DNAH8: variants seen among roughly 807,000 people sequenced by gnomAD.
DNAH8 encodes axonemal beta dynein heavy chain 8.
A neutral mutation model predicts 562.1 loss-of-function variants in DNAH8; 382 were observed. The ratio of observed to expected loss-of-function variants is 0.68; its 90% CI spans 0.63 to 0.74. DNAH8 has a LOEUF of 0.74. Ranked by LOEUF, DNAH8 falls within the 30% of genes least tolerant of loss-of-function variation. The probability of loss-of-function intolerance (pLI) is 0.00; values close to 1 mark genes in which losing one functional copy is unlikely to be tolerated. For synonymous variants in DNAH8, 1,881 were observed against 1,919.4 expected (o/e 0.98, Z 0.52); for missense variants, 5,203 against 5,620.4 (o/e 0.93, Z 2.37).
rs373858239 is a variant in DNAH8 at position 38,894,785 on chromosome 6, A to G, written c.8668A>G (p.Ile2890Val). 1.5e-5 allele frequency: 25 copies of G among 1,614,004 alleles called. No homozygotes were observed. Among genetic ancestry groups the G allele is most frequent in the African/African-American group, 9.3e-5 (7 of 74,936 alleles). ...CAGAATTTGGCAAGGAATGTTGACC[A>G]TAAAAGCTGAGGAGTGCGCTTCAAT... The part of the protein sequence containing the change: ...LSRIWQGMLT[I>V]KAEECASIPT... The change falls in exon 59 of 93, where the codon ATA becomes GTA. Residue 2890 changes from isoleucine to valine, a missense_variant. Coordinates refer to ENST00000327475, the MANE Select transcript of DNAH8 (RefSeq NM_001206927.2).
chr6:38,896,155 G>C lies in DNAH8; in HGVS notation c.8870G>C (p.Arg2957Pro). The change falls in exon 60 of 93, where the codon CGT (arginine) becomes CCT (proline). Residue 2957 changes from arginine (R) to proline (P), a missense_variant. Arg to Pro is a moderately radical substitution (Grantham distance 103). Around this residue, in one of 6 missense-constraint regions of DNAH8, gnomAD observed 977 missense variants for 1,061.8 expected, o/e 0.92. Coordinates refer to ENST00000327475, the MANE Select transcript of DNAH8 (RefSeq NM_001206927.2). Reference protein sequence around the residue: ...LPEPYFVDFLREMPEPTGDEP... With the variant: ...LPEPYFVDFLPEMPEPTGDEP... Reference sequence around the variant, plus strand: ...GAACCATACTTTGTGGATTTTCTTCGTGAGATGCCAGAACCAACTGGTGAT... The same window carrying C: ...GAACCATACTTTGTGGATTTTCTTCCTGAGATGCCAGAACCAACTGGTGAT... The C allele has an allele frequency of 1.2e-6, 2 of 1,613,710 alleles. No individual in the cohort carries two copies. The highest frequency in any genetic ancestry group is 1.7e-6 in the Non-Finnish European group (2 of 1,179,886).
chr6:38,726,979 T>C (rs1396329129), intron 3 of DNAH8, among the ~76,000 whole-genome samples: 2 of 146,498 alleles, frequency 1.4e-5, no homozygotes, highest in Admixed American at 1.4e-4. Context: ...TGCTTCAGCC[T>C]CCTGAGCTGC....
intron 32 of DNAH8, among the ~76,000 whole-genome samples, chr6:38,837,349 T>TG (rs1216341111): frequency 6.6e-6 from 1 of 152,254 alleles, no homozygotes; most frequent in Admixed American, 6.5e-5. Flanking sequence ...GGGTTACTTC[T>TG]GTTGGCATTT....
Position 38,862,310 on chromosome 6 carries a change from C to T in DNAH8, c.6162C>T (p.Gly2054=). ...ATATCACGTTAGCTCAGGCCTTGGG[C>T]ATGAACATGGGAGGTGCTCCCGCAG... ...RCYITLAQAL[G]MNMGGAPAGP... is the part of the protein sequence containing the mutation. The change falls in exon 44 of 93, where the codon GGC becomes GGT. Residue 2054 remains glycine (G), a synonymous_variant. Coordinates refer to ENST00000327475, the MANE Select transcript of DNAH8 (RefSeq NM_001206927.2). The T allele has an allele frequency of 6.2e-7, 1 of 1,613,966 alleles. No individual in the cohort carries two copies. The highest frequency in any genetic ancestry group is 8.5e-7 in the Non-Finnish European group (1 of 1,179,934).
chr6:38,963,270 T>TC (rs1561920298), intron 82 of DNAH8, among the ~76,000 whole-genome samples: 1 of 91,856 alleles, frequency 1.1e-5, no homozygotes, highest in African/African-American at 4.2e-5. Context: ...TTTTTTTTTT[T>TC]TTTTTTTTTT....
At chr6:38,946,164 GT>G (rs1761403540) in intron 80 of DNAH8, among the ~76,000 whole-genome samples, 1 of 152,144 alleles carries the variant, frequency 6.6e-6, no homozygotes. Context: ...ACTGGGTTCT[GT>G]TGGCTGCAAC....
At chr6:38,935,441 A>G (rs952672651) in intron 76 of DNAH8, 151 bp from the exon 77 acceptor site, 1 of 592,504 alleles carries the variant, frequency 1.7e-6, no homozygotes, top group Non-Finnish European at 2.9e-6. Context: ...ATATGGATAG[A>G]TAGATTTGGC....
chr6:38,902,936 A>G lies in DNAH8; in HGVS notation c.9194+3030A>G, dbSNP rs564493611. The stretch of plus-strand genomic sequence containing the variant: ...ATGATGGTGGTCACATGAGATTATA[A>G]TGGAGCTGCCCTATACACGAGTAGC... On this transcript the variant is annotated intron_variant, in intron 62 of 92. Transcript: ENST00000327475. Among the ~76,000 whole-genome samples, 5 of 152,348 alleles carry G rather than the reference A, an allele frequency of 3.3e-5. No homozygotes were observed. The South Asian group carries it at 8.3e-4, about 25-fold the overall frequency.
chr6:38,871,504 C>G (rs1235189466), intron 49 of DNAH8, among the ~76,000 whole-genome samples: 1 of 152,166 alleles, frequency 6.6e-6, no homozygotes, highest in African/African-American at 2.4e-5. Context: ...TGCTCTTGAA[C>G]ATGTCAGGAA....
At chr6:38,813,666 A>G (rs1404253632) in intron 24 of DNAH8, among the ~76,000 whole-genome samples, 1 of 152,162 alleles carries the variant, frequency 6.6e-6, no homozygotes, top group Admixed American at 6.5e-5. Flanking sequence ...TTTGGAAAGC[A>G]TGGACCAGAA....
intron 25 of DNAH8, among the ~76,000 whole-genome samples, chr6:38,815,089 T>C (rs189313585): frequency 6.6e-6 from 1 of 152,342 alleles, no homozygotes; most frequent in Admixed American, 6.5e-5. Flanking sequence ...TGTAGCTTCT[T>C]CAGTTACTTT....
At position 38,734,334 on chromosome 6, in the gene DNAH8, C is replaced by CG; in HGVS notation, c.611-140_611-139insG. On this transcript the variant is annotated intron_variant, in intron 4 of 92. Coordinates refer to ENST00000327475, the MANE Select transcript of DNAH8 (RefSeq NM_001206927.2). ...TTGGCATCTTCTAGTAGACCCCCCC[C>CG]CAAAAAAATTATTCTATGACCGTAT... 4.9e-6 allele frequency: 4 copies of CG among 822,894 alleles called. 1 individual carries two copies. Among genetic ancestry groups the CG allele is most frequent in the Non-Finnish European group, 6.6e-6 (4 of 605,654 alleles). The allele number at this position is 822,894 out of a possible 1,614,324, so 51.0% of individuals were successfully genotyped here.
Position 38,825,827 on chromosome 6 carries a change from A to G in DNAH8, c.3848-329A>G, listed in dbSNP as rs1678720. On this transcript the variant is annotated intron_variant, in intron 28 of 92. Coordinates refer to ENST00000327475, the MANE Select transcript of DNAH8 (RefSeq NM_001206927.2). ...CATGGGATCTCTCGAGAAAAATGCG[A>G]GAATGAATGAGGGCCGCTAATGGGA... 0.21 allele frequency among the ~76,000 whole-genome samples: 31,951 copies of G among 151,954 alleles called. 4,210 individuals are homozygous for G. Among genetic ancestry groups the G allele is most frequent in the African/African-American group, 0.37 (15,142 of 41,352 alleles).
chr6:38,734,555 T>C lies in DNAH8; in HGVS notation c.692T>C (p.Leu231Pro), dbSNP rs1430808030. Reference protein sequence around the residue: ...LYIDNAAPDKLKGLCIFFVRC... With the variant: ...LYIDNAAPDKPKGLCIFFVRC... ...ATAGACAATGCAGCCCCGGATAAAC[T>C]AAAAGGACTGTGCATATTTTTTGTT... is the stretch of plus-strand genomic sequence containing the variant. Residue 231 changes from leucine to proline, a missense_variant, in exon 5 of 93, where the codon CTA becomes CCA. This residue lies in a region of DNAH8 where 556 missense variants were observed against 496.9 expected (regional missense o/e 1.12). Transcript: ENST00000327475. The C allele has an allele frequency of 3.1e-6, 5 of 1,613,936 alleles. No individual in the cohort carries two copies. The highest frequency in any genetic ancestry group is 2.2e-5 in the South Asian group (2 of 91,082).
At chr6:38,746,802 G>A (rs1446615192) in intron 8 of DNAH8, among the ~76,000 whole-genome samples, 1 of 152,046 alleles carries the variant, frequency 6.6e-6, no homozygotes, top group Non-Finnish European at 1.5e-5. Context: ...GGTGGTGCAT[G>A]CCTGTAATCC....
intron 80 of DNAH8, among the ~76,000 whole-genome samples, chr6:38,948,028 A>G (rs1443103180): frequency 1.3e-5 from 2 of 152,210 alleles, no homozygotes; most frequent in East Asian, 3.9e-4. Flanking sequence ...GATTACAGGC[A>G]TGAGCCACCA....
intron 23 of DNAH8, among the ~76,000 whole-genome samples, chr6:38,806,312 C>T (rs554378841): frequency 6.6e-6 from 1 of 152,216 alleles, no homozygotes; most frequent in South Asian, 2.1e-4. Flanking sequence ...TAAACAGCAC[C>T]CATTTATTCC....
At chr6:38,936,385 T>C (rs558694006) in intron 77 of DNAH8, 1 of 152,290 alleles carries the variant, frequency 6.6e-6, no homozygotes, top group East Asian at 1.9e-4. Context: ...TTTGAGGATG[T>C]ACTCTCTCTG....
chr6:38,984,447 CG>C lies in DNAH8; in HGVS notation c.13053+141del, dbSNP rs543159360. ...TAGCCAAGAAACAAATGCATGTGTG[CG>C]CTTACACACACGCACACACATGCAC... is the stretch of plus-strand genomic sequence containing the variant. On this transcript the variant is annotated intron_variant, in intron 87 of 92. Coordinates refer to ENST00000327475, the MANE Select transcript of DNAH8 (RefSeq NM_001206927.2). The C allele has an allele frequency of 1.9e-4, 120 of 634,720 alleles. No individual in the cohort carries two copies. In the African/African-American group the frequency reaches 2.0e-3, roughly 10 times the overall value. The allele number at this position is 634,720 out of a possible 1,614,324, so 39.3% of individuals were successfully genotyped here. A position where few individuals can be genotyped will look rare whatever the true frequency, so the allele number is the denominator to read the frequency against.
Sources: gnomAD v4.1 joint callset for allele counts (sites outside exome capture counted in the v4.1 genomes callset) on GRCh38, gnomAD v4.1.1 for gene constraint, gnomAD v4.1.1 regional missense constraint, MANE v1.5 for transcripts, NCBI Gene and HGNC (gene_info 2026-07-23, HGNC 2026-07-21) for gene names.